GALNTL6: variants seen among roughly 807,000 people sequenced by gnomAD.
GALNTL6 encodes the protein polypeptide N-acetylgalactosaminyltransferase like 6, also known as polypeptide N-acetylgalactosaminyltransferase-like 6.
In GALNTL6, 46 loss-of-function variants were observed where a neutral mutation model predicts 73.7. That is an observed-to-expected ratio of 0.62 (90% CI 0.49 to 0.80). The LOEUF (loss-of-function observed/expected upper bound fraction) is 0.80, where lower values mean the gene tolerates loss of function less well. Ranked by LOEUF, GALNTL6 falls within the 30% of genes least tolerant of loss-of-function variation. The pLI, the probability that GALNTL6 is intolerant of heterozygous loss-of-function variation, is 0.00. For missense variants in GALNTL6, 604 were observed against 755.0 expected (o/e 0.80, Z 2.34); for synonymous variants, 259 against 263.7 (o/e 0.98, Z 0.17).
At chr4:172,101,386 C>T (rs1732514945) in intron 2 of GALNTL6, among the ~76,000 whole-genome samples, 1 of 152,186 alleles carries the variant, frequency 6.6e-6, no homozygotes, top group Non-Finnish European at 1.5e-5. Flanking sequence ...CTGAAACTCA[C>T]CTATACGTTT....
At chr4:172,716,239 A>C (rs1735081807) in intron 5 of GALNTL6, among the ~76,000 whole-genome samples, 1 of 152,150 alleles carries the variant, frequency 6.6e-6, no homozygotes, top group African/African-American at 2.4e-5. Context: ...ATAGCTAGCT[A>C]GTCAGATGTC....
At chr4:172,172,439 T>C (rs6843195) in intron 2 of GALNTL6, among the ~76,000 whole-genome samples, 9,760 of 152,184 alleles carry the variant, frequency 0.064, 513 homozygotes, top group African/African-American at 0.15. Context: ...TCAGGTGATC[T>C]GCCTGCCTTG....
intron 5 of GALNTL6, among the ~76,000 whole-genome samples, chr4:172,606,663 C>CTATATATATATACTATATATATAG (rs1738307982): frequency 2.6e-5 from 1 of 38,552 alleles, no homozygotes; most frequent in Non-Finnish European, 6.1e-5. Context: ...TATATATATA[C>CTATATATATATACTATATATATAG]TATATATATA....
At chr4:172,830,888 A>G (rs1037869789) in intron 7 of GALNTL6, among the ~76,000 whole-genome samples, 8 of 152,180 alleles carry the variant, frequency 5.3e-5, no homozygotes, top group Non-Finnish European at 1.0e-4. Flanking sequence ...AGGCGGGAGC[A>G]GTAGCGCACG....
chr4:172,773,025 A>G (rs1243199112), intron 5 of GALNTL6, among the ~76,000 whole-genome samples: 1 of 152,194 alleles, frequency 6.6e-6, no homozygotes, highest in Non-Finnish European at 1.5e-5. Flanking sequence ...CCTCCCTGGC[A>G]CTGACTGAAG....
chr4:172,833,634 T>C (rs1447157487), intron 7 of GALNTL6, among the ~76,000 whole-genome samples: 2 of 152,224 alleles, frequency 1.3e-5, no homozygotes, highest in Non-Finnish European at 2.9e-5. Context: ...TTAGTGTGAC[T>C]TTAGGTTATC....
At chr4:172,554,926 G>A (rs187282195) in intron 5 of GALNTL6, among the ~76,000 whole-genome samples, 131 of 152,224 alleles carry the variant, frequency 8.6e-4, no homozygotes, top group African/African-American at 3.1e-3. Flanking sequence ...TTAGGATATA[G>A]CTATATCAAT....
intron 2 of GALNTL6, among the ~76,000 whole-genome samples, chr4:171,918,801 T>G (rs1388583648): frequency 6.6e-6 from 1 of 152,080 alleles, no homozygotes; most frequent in Non-Finnish European, 1.5e-5. Context: ...TGGAATATAT[T>G]TAGCCTTAAA....
At chr4:172,884,236 A>G (rs972847999) in intron 8 of GALNTL6, among the ~76,000 whole-genome samples, 1 of 152,186 alleles carries the variant, frequency 6.6e-6, no homozygotes, top group Non-Finnish European at 1.5e-5. Context: ...ATTTCCACCA[A>G]CAGTGTAGGA....
intron 2 of GALNTL6, among the ~76,000 whole-genome samples, chr4:172,054,587 C>G (rs972486070): frequency 6.6e-5 from 10 of 152,112 alleles, no homozygotes; most frequent in Admixed American, 3.3e-4. Flanking sequence ...GAAAGGGCCT[C>G]TTTTATAAGG....
At chr4:172,081,232 G>A (rs143271718) in intron 2 of GALNTL6, among the ~76,000 whole-genome samples, 2 of 152,356 alleles carry the variant, frequency 1.3e-5, no homozygotes, top group East Asian at 3.9e-4. Flanking sequence ...CTGTATTCAT[G>A]AGAAACTGAG....
At chr4:172,759,191 A>C (rs1737924381) in intron 5 of GALNTL6, among the ~76,000 whole-genome samples, 1 of 152,234 alleles carries the variant, frequency 6.6e-6, no homozygotes, top group South Asian at 2.1e-4. Context: ...CCAAGCCCCT[A>C]GCCTAGATTC....
At chr4:172,151,852 C>A (rs1172599312) in intron 2 of GALNTL6, among the ~76,000 whole-genome samples, 3 of 151,470 alleles carry the variant, frequency 2.0e-5, no homozygotes, top group African/African-American at 7.3e-5. Flanking sequence ...CCTCTTATGC[C>A]TACATGCCTT....
At chr4:172,551,843 G>A (rs1735965583) in intron 5 of GALNTL6, among the ~76,000 whole-genome samples, 1 of 152,026 alleles carries the variant, frequency 6.6e-6, no homozygotes, top group Non-Finnish European at 1.5e-5. Context: ...ATATCTACAA[G>A]GTAAACAATG....
chr4:172,544,192 G>T (rs531204428), intron 5 of GALNTL6, among the ~76,000 whole-genome samples: 1 of 152,012 alleles, frequency 6.6e-6, no homozygotes, highest in East Asian at 1.9e-4. Flanking sequence ...CTGTATCTGT[G>T]GAGTATATGA....
At chr4:173,035,988 A>C (rs1432113521) in intron 12 of GALNTL6, among the ~76,000 whole-genome samples, 2 of 152,184 alleles carry the variant, frequency 1.3e-5, no homozygotes, top group Non-Finnish European at 2.9e-5. Flanking sequence ...GCAGGACACT[A>C]TGCCAGTGAT....
chr4:172,644,289 A>G (rs964039859), intron 5 of GALNTL6, among the ~76,000 whole-genome samples: 27 of 151,680 alleles, frequency 1.8e-4, no homozygotes, highest in Non-Finnish European at 3.7e-4. Context: ...ACACACACAT[A>G]TACATATACA....
intron 2 of GALNTL6, among the ~76,000 whole-genome samples, chr4:171,963,632 C>A (rs1317534939): frequency 6.6e-6 from 1 of 152,090 alleles, no homozygotes; most frequent in Admixed American, 6.6e-5. Flanking sequence ...TTTCAATTAA[C>A]CCTAAGGAGT....
intron 2 of GALNTL6, among the ~76,000 whole-genome samples, chr4:172,082,380 G>A (rs1731904626): frequency 6.6e-6 from 1 of 152,124 alleles, no homozygotes; most frequent in South Asian, 2.1e-4. Context: ...AATCCAAAAG[G>A]GAAAATCAAG....
Sources: allele counts gnomAD v4.1 joint callset (sites outside exome capture counted in the v4.1 genomes callset), GRCh38; gene constraint gnomAD v4.1.1; transcripts MANE v1.5; gene names NCBI Gene and HGNC (gene_info 2026-07-23, HGNC 2026-07-21).